The following CCDC93 variants were observed in gnomAD, a reference collection of about 807,000 sequenced individuals.
CCDC93 encodes CCC complex scaffolding subunit CCDC93.
CCDC93 carries 61 observed loss-of-function variants against 108.2 expected under a neutral mutation model. The observed-to-expected ratio is 0.56, with a 90% CI of 0.46 to 0.70. The LOEUF (loss-of-function observed/expected upper bound fraction) is 0.70, where lower values mean the gene tolerates loss of function less well. CCDC93 is among the 30% of genes least tolerant of loss of function. The pLI, the probability that CCDC93 is intolerant of heterozygous loss-of-function variation, is 0.00. For missense variants in CCDC93, 685 were observed against 764.2 expected (o/e 0.90, Z 1.22); for synonymous variants, 276 against 260.4 (o/e 1.06, Z -0.58).
At position 117,941,356 on chromosome 2, in the gene CCDC93, T is replaced by A; in HGVS notation, c.1414-59A>T. On this transcript the variant is annotated intron_variant, in intron 18 of 23. Transcript: ENST00000376300. ...TTGGTAAAAGGCCTTACATGTTCTC[T>A]AGGGAGCCAAAATATTGCCTGCACC... is the stretch of plus-strand genomic sequence containing the variant. 2.2e-6 allele frequency: 3 copies of A among 1,388,634 alleles called. No individual in the cohort carries two copies. In the South Asian group the frequency reaches 3.5e-5, roughly 16 times the overall value. The allele number at this position is 1,388,634 out of a possible 1,614,324, so 86.0% of individuals were successfully genotyped here.
rs570741545 is a variant in CCDC93 at position 117,975,362 on chromosome 2, G to A, written c.658-82C>T. Reference sequence around the variant, plus strand: ...AGGACAATACTGACAAGAGGCATGAGTCTGTGAAAAAAACACAGACCTGCA... The same window carrying A: ...AGGACAATACTGACAAGAGGCATGAATCTGTGAAAAAAACACAGACCTGCA... On this transcript the variant is annotated intron_variant, in intron 8 of 23. Transcript: ENST00000376300. The A allele has an allele frequency of 2.3e-5, 24 of 1,038,688 alleles. No individual in the cohort carries two copies. The African/African-American group carries it at 3.6e-4, about 16-fold the overall frequency. 64.3% of individuals were successfully genotyped at this position (1,038,688 alleles called of 1,614,324 possible).
At chr2:118,003,209 C>T (rs1195263434) in intron 3 of CCDC93, among the ~76,000 whole-genome samples, 1 of 152,174 alleles carries the variant, frequency 6.6e-6, no homozygotes, top group East Asian at 1.9e-4. Context: ...TCCAGGTCTG[C>T]TTGGGACTCA....
At chr2:117,941,710 C>T (rs1423820941) in intron 18 of CCDC93, among the ~76,000 whole-genome samples, 1 of 152,222 alleles carries the variant, frequency 6.6e-6, no homozygotes, top group African/African-American at 2.4e-5. Context: ...CCTCCACATA[C>T]ATCCCAAATT....
chr2:117,924,112 A>C (rs200321152), intron 23 of CCDC93, among the ~76,000 whole-genome samples: 5 of 152,216 alleles, frequency 3.3e-5, no homozygotes, highest in Non-Finnish European at 4.4e-5. Flanking sequence ...GGACATCCAC[A>C]CCAAAACCCC....
chr2:117,974,074 T>C, intron 10 of CCDC93, 80 bp from the exon 11 acceptor site: 1 of 870,970 alleles, frequency 1.1e-6, no homozygotes, highest in South Asian at 1.4e-5. Flanking sequence ...CTCTATTATG[T>C]CTGAACACTC....
intron 23 of CCDC93, among the ~76,000 whole-genome samples, chr2:117,924,488 G>C (rs1359913121): frequency 1.3e-5 from 2 of 152,214 alleles, no homozygotes; most frequent in Non-Finnish European, 2.9e-5. Context: ...GAATGCACAA[G>C]CCTCAGTAGC....
intron 4 of CCDC93, chr2:117,996,796 C>T (rs1248032549): frequency 6.4e-6 from 1 of 157,106 alleles, no homozygotes; most frequent in Non-Finnish European, 1.4e-5. Context: ...TTCTTGTGCT[C>T]CTTACACGAC....
At chr2:118,010,111 G>GT (rs1676985274) in intron 1 of CCDC93, among the ~76,000 whole-genome samples, 1 of 151,408 alleles carries the variant, frequency 6.6e-6, no homozygotes, top group East Asian at 1.9e-4. Flanking sequence ...CCGTTTTTTT[G>GT]TTTGTTTGTT....
chr2:117,923,643 G>C (rs539187008), intron 23 of CCDC93, among the ~76,000 whole-genome samples: 1 of 147,724 alleles, frequency 6.8e-6, no homozygotes, highest in Non-Finnish European at 1.5e-5. Context: ...GGAGCTCACC[G>C]CAGCACAAGG....
Position 117,917,685 on chromosome 2 carries a change from A to C in CCDC93, c.*2658T>G, listed in dbSNP as rs1218053037. On this transcript the variant is annotated 3_prime_UTR_variant, in exon 24 of 24. Coordinates refer to ENST00000376300, the MANE Select transcript of CCDC93 (RefSeq NM_019044.5). ...TAACCCAGTCATCCAACAGAGACGG[A>C]GCACAGGTCAAAGACATCAACAAAT... The C allele has an allele frequency of 1.3e-5, 2 of 152,286 alleles. No individual in the cohort carries two copies. Among genetic ancestry groups the C allele is most frequent in the African/African-American group, 4.8e-5 (2 of 41,450 alleles). The allele number at this position is 152,286 out of a possible 1,614,324, so 9.4% of individuals were successfully genotyped here.
In CCDC93 at chr2:117,916,733, A is replaced by G. The variant is rs1677698485; in HGVS notation, c.*3610T>C. 2 of 152,258 alleles carry G rather than the reference A, an allele frequency of 1.3e-5. No homozygotes were observed. Among genetic ancestry groups the G allele is most frequent in the African/African-American group, 4.8e-5 (2 of 41,474 alleles). The allele number at this position is 152,258 out of a possible 1,614,324, so 9.4% of individuals were successfully genotyped here. A position where few individuals can be genotyped will look rare whatever the true frequency, so the allele number is the denominator to read the frequency against. The stretch of plus-strand genomic sequence containing the variant: ...TGTGTTGTCAAGTATGCTGCAGATC[A>G]GCACCAGATTCTCCAGTTTTGCACA... On this transcript the variant is annotated 3_prime_UTR_variant, in exon 24 of 24. Transcript: ENST00000376300.
intron 4 of CCDC93, chr2:117,997,713 A>C (rs1267306971): frequency 6.6e-6 from 1 of 152,290 alleles, no homozygotes; most frequent in Non-Finnish European, 1.5e-5. Context: ...AGAAGCAGAG[A>C]CAGAAGATCA....
At chr2:117,951,250 C>T in intron 13 of CCDC93, 4 of 985,390 alleles carry the variant, frequency 4.1e-6, no homozygotes, top group Non-Finnish European at 4.8e-6. Flanking sequence ...ACCCGCAGAG[C>T]TTGCCATCTA....
At chr2:117,973,751 C>T (rs899610258) in intron 11 of CCDC93, among the ~76,000 whole-genome samples, 157 bp downstream of exon 11, 4 of 152,122 alleles carry the variant, frequency 2.6e-5, no homozygotes, top group South Asian at 2.1e-4. Context: ...TGCTGATAGC[C>T]GGTTGTGCAT....
At chr2:117,966,698 A>T (rs1014279233) in intron 11 of CCDC93, among the ~76,000 whole-genome samples, 2 of 152,216 alleles carry the variant, frequency 1.3e-5, no homozygotes, top group Non-Finnish European at 2.9e-5. Context: ...GTGTTTTTTC[A>T]TAAGTACATC....
chr2:118,011,353 C>T (rs1422460595), intron 1 of CCDC93, among the ~76,000 whole-genome samples: 2 of 152,170 alleles, frequency 1.3e-5, no homozygotes, highest in African/African-American at 4.8e-5. Flanking sequence ...CTACATCCGT[C>T]TCTGAAATGA....
Position 118,000,946 on chromosome 2 carries a change from G to GT in CCDC93, c.252-15dup. 1 of 1,538,954 alleles carries GT rather than the reference G, an allele frequency of 6.5e-7. No homozygotes were observed. ...TCTGACAGAGCTCTGTTCAGAAAAA[G>GT]TAACAAGCAAAGAGTGAGGCATACT... On this transcript the variant is annotated splice_polypyrimidine_tract_variant and intron_variant, in intron 3 of 23. Coordinates refer to ENST00000376300, the MANE Select transcript of CCDC93 (RefSeq NM_019044.5).
At chr2:118,007,232 G>C (rs918279823) in intron 2 of CCDC93, among the ~76,000 whole-genome samples, 1 of 152,180 alleles carries the variant, frequency 6.6e-6, no homozygotes, top group Non-Finnish European at 1.5e-5. Flanking sequence ...CTGACATTTT[G>C]TTTCCATACA....
intron 16 of CCDC93, 131 bp from the exon 17 acceptor site, chr2:117,945,713 C>G: frequency 1.4e-6 from 1 of 713,290 alleles, no homozygotes; most frequent in African/African-American, 1.8e-5. Context: ...TGATGTCCCC[C>G]GAGCATGTCT....
Sources: gnomAD v4.1 joint callset for allele counts (sites outside exome capture counted in the v4.1 genomes callset) on GRCh38, gnomAD v4.1.1 for gene constraint, MANE v1.5 for transcripts, NCBI Gene and HGNC (gene_info 2026-07-23, HGNC 2026-07-21) for gene names.